Variants in USP6NL observed in about 807,000 individuals in gnomAD.
USP6NL encodes the protein USP6 N-terminal like.
USP6NL carries 26 observed loss-of-function variants against 61.9 expected under a neutral mutation model. That is an observed-to-expected ratio of 0.42 (90% CI 0.31 to 0.58). The LOEUF is 0.58. Ranked by LOEUF, USP6NL falls within the 20% of genes least tolerant of loss-of-function variation. The probability of loss-of-function intolerance (pLI) is 0.16; values close to 1 mark genes in which losing one functional copy is unlikely to be tolerated. For missense variants in USP6NL, 1,114 were observed against 1,034.3 expected, an observed-to-expected ratio of 1.08 and a Z score of -1.06; for synonymous variants, 432 against 390.1, an observed-to-expected ratio of 1.11 and a Z score of -1.27.
intron 2 of USP6NL, among the ~76,000 whole-genome samples, chr10:11,571,823 G>T (rs945932982): frequency 6.7e-6 from 1 of 148,666 alleles, no homozygotes; most frequent in African/African-American, 2.5e-5. Flanking sequence ...GTTTGAAAAA[G>T]CAAGCTTCTA....
rs1009369648 is a variant in USP6NL, at chr10:11,525,564, G to T, written c.73-96C>A. ...CGAAGAAATAAGAGCTATTTTTAAT[G>T]TATTACTAAAAATAAGAGCTGGAAG... On this transcript the variant is annotated intron_variant, in intron 3 of 14. Transcript: ENST00000609104. This position sits in a 1 kb window ranked among gnomAD's most constrained non-coding sequence, Gnocchi z 5.0. The T allele has an allele frequency of 3.0e-5, 32 of 1,074,426 alleles. No homozygotes were observed. The Admixed American group carries it at 6.7e-4, about 22-fold the overall frequency. The allele number at this position is 1,074,426 out of a possible 1,614,324, so 66.6% of individuals were successfully genotyped here.
chr10:11,496,468 C>T lies in USP6NL; in HGVS notation c.385-3240G>A, dbSNP rs1833928280. On this transcript the variant is annotated intron_variant, in intron 7 of 14. Coordinates refer to ENST00000609104, the MANE Select transcript of USP6NL (RefSeq NM_014688.5). This position sits in a 1 kb window ranked among gnomAD's most constrained non-coding sequence, Gnocchi z 5.4. ...CAAAACTGGTAGCTGTTAAGCATCTCCCATTTTCTTATTTCTGTGGGTTTG... is the reference window on the plus strand; with the variant it reads ...CAAAACTGGTAGCTGTTAAGCATCTTCCATTTTCTTATTTCTGTGGGTTTG... 6.6e-6 allele frequency among the ~76,000 whole-genome samples: 1 copy of T among 152,156 alleles called. No homozygotes were observed. The highest frequency in any genetic ancestry group is 1.5e-5 in the Non-Finnish European group (1 of 68,034).
Position 11,501,119 on chromosome 10 carries a change from T to A in USP6NL, c.366A>T (p.Glu122Asp), listed in dbSNP as rs1187993554. Residue 122 changes from glutamate to aspartate, a missense_variant, in exon 7 of 15, where the codon GAA becomes GAT. Coordinates refer to ENST00000609104, the MANE Select transcript of USP6NL (RefSeq NM_014688.5). ...TACTCACACTATACAGGTCCCTTGTTTCTTCTTTCATTTTAGGGATCTCAA... is the reference window on the plus strand; with the variant it reads ...TACTCACACTATACAGGTCCCTTGTATCTTCTTTCATTTTAGGGATCTCAA... ...LLLEIPKMKEETRDLYSKLKH... is the reference protein window; with the variant it reads ...LLLEIPKMKEDTRDLYSKLKH... The A allele has an allele frequency of 1.2e-6, 2 of 1,611,892 alleles. No individual in the cohort carries two copies. The highest frequency in any genetic ancestry group is 1.3e-5 in the African/African-American group (1 of 74,838).
rs1837476641 is a variant in USP6NL at position 11,574,603 on chromosome 10, A to G, written c.4+23028T>C. On this transcript the variant is annotated intron_variant, in intron 2 of 14. Coordinates refer to ENST00000609104, the MANE Select transcript of USP6NL (RefSeq NM_014688.5). This position sits in a 1 kb window ranked among gnomAD's most constrained non-coding sequence, Gnocchi z 4.3. Reference sequence around the variant, plus strand: ...AGAGAAAAATGACACTCAGGTGAACATGGCTAAATGCTATGTTTATTAAAC... The same window carrying G: ...AGAGAAAAATGACACTCAGGTGAACGTGGCTAAATGCTATGTTTATTAAAC... 6.6e-6 allele frequency among the ~76,000 whole-genome samples: 1 copy of G among 152,244 alleles called. No homozygotes were observed. The highest frequency in any genetic ancestry group is 6.5e-5 in the Admixed American group (1 of 15,286).
At chr10:11,541,274 T>TATAA (rs1803265501) in intron 2 of USP6NL, among the ~76,000 whole-genome samples, 1 of 122,700 alleles carries the variant, frequency 8.1e-6, no homozygotes, top group Non-Finnish European at 1.7e-5. Context: ...TATATATATA[T>TATAA]ATGTATGTCA....
At chr10:11,484,527 A>G (rs1226225735) in intron 13 of USP6NL, among the ~76,000 whole-genome samples, 3 of 151,982 alleles carry the variant, frequency 2.0e-5, no homozygotes, top group African/African-American at 7.3e-5. Flanking sequence ...GCTGGGTGCT[A>G]TTCTCCCTGG....
chr10:11,569,207 G>C (rs1187487646), intron 2 of USP6NL, among the ~76,000 whole-genome samples: 1 of 152,090 alleles, frequency 6.6e-6, no homozygotes, highest in Non-Finnish European at 1.5e-5. Flanking sequence ...AGCTGAAAAC[G>C]ATTATCCACC....
At position 11,474,106 on chromosome 10, in the gene USP6NL, CTT is replaced by C. The variant is rs930321732; in HGVS notation, c.1078+7662_1078+7663del. Reference sequence around the variant, plus strand: ...CCCCAAGTTTACCTGGGAAAAAAGTCTTAATTCCTGAAGATCCAGAACTAAAT... The same window carrying C: ...CCCCAAGTTTACCTGGGAAAAAAGTCAATTCCTGAAGATCCAGAACTAAAT... On this transcript the variant is annotated intron_variant, in intron 14 of 14. Transcript: ENST00000609104. The surrounding 1 kb of genome is among the most constrained non-coding windows in gnomAD (Gnocchi z 4.9). Among the ~76,000 whole-genome samples, 21 of 152,152 alleles carry C rather than the reference CTT, an allele frequency of 1.4e-4. No individual in the cohort carries two copies. Among genetic ancestry groups the C allele is most frequent in the African/African-American group, 5.1e-4 (21 of 41,440 alleles).
rs567100384 is a variant in USP6NL, at chr10:11,462,532, G to A, written c.2396C>T (p.Pro799Leu). ...KASPAAEDAS[P>L]SGYPYSGPPP... is the part of the protein sequence containing the mutation. ...GGGCCCTGAATATGGATATCCAGAT[G>A]GACTGGCATCTTCTGCGGCCGGTGA... Residue 799 changes from proline (P) to leucine (L), a missense_variant, in exon 15 of 15, where the codon CCA (proline) becomes CTA (leucine). By Grantham distance (98) the Pro-to-Leu change is moderately conservative (BLOSUM62 -3). Transcript: ENST00000609104. 1 of 1,613,984 alleles carries A rather than the reference G, an allele frequency of 6.2e-7. No individual in the cohort carries two copies. The highest frequency in any genetic ancestry group is 8.5e-7 in the Non-Finnish European group (1 of 1,179,898).
chr10:11,610,564 T>C (rs966997639), intron 1 of USP6NL, among the ~76,000 whole-genome samples: 1 of 152,110 alleles, frequency 6.6e-6, no homozygotes, highest in Non-Finnish European at 1.5e-5. Flanking sequence ...AAAGGATTAA[T>C]ACAGGATTGA....
intron 2 of USP6NL, among the ~76,000 whole-genome samples, chr10:11,557,746 A>G (rs1836769678): frequency 6.6e-6 from 1 of 152,186 alleles, no homozygotes. Flanking sequence ...GGTGCCACAC[A>G]GGGCAGTGCA....
rs1391725728 is a variant in USP6NL at position 11,462,421 on chromosome 10, T to C, written c.*20A>G. On this transcript the variant is annotated 3_prime_UTR_variant, in exon 15 of 15. Coordinates refer to ENST00000609104, the MANE Select transcript of USP6NL (RefSeq NM_014688.5). The stretch of plus-strand genomic sequence containing the variant: ...TTTCACGTGGTTTCTCTCTCGTCTT[T>C]AGCAAGTACACGTCAAATCTCACAG... 4 of 1,603,468 alleles carry C rather than the reference T, an allele frequency of 2.5e-6. No homozygotes were observed. The South Asian group carries it at 3.3e-5, about 13-fold the overall frequency.
intron 2 of USP6NL, among the ~76,000 whole-genome samples, chr10:11,580,131 A>G (rs1837700161): frequency 6.9e-6 from 1 of 144,212 alleles, no homozygotes; most frequent in African/African-American, 2.6e-5. Context: ...ATGAGTTGAC[A>G]AACCCTGCCC....
chr10:11,465,344 G>C lies in USP6NL; in HGVS notation c.1079-1495C>G, dbSNP rs1832403930. On this transcript the variant is annotated intron_variant, in intron 14 of 14. Transcript: ENST00000609104. This position sits in a 1 kb window ranked among gnomAD's most constrained non-coding sequence, Gnocchi z 4.5. ...TGAAAAACATAACCATTAAAGAAAA[G>C]GAAAACTGTGACGCCCAGAGTGGTG... 6.6e-6 allele frequency among the ~76,000 whole-genome samples: 1 copy of C among 152,102 alleles called. No homozygotes were observed. The highest frequency in any genetic ancestry group is 2.4e-5 in the African/African-American group (1 of 41,416).
intron 6 of USP6NL, among the ~76,000 whole-genome samples, chr10:11,502,968 T>C (rs1271115576): frequency 6.6e-6 from 1 of 152,228 alleles, no homozygotes; most frequent in African/African-American, 2.4e-5. Flanking sequence ...ATTTGCCACA[T>C]GCTCGACAAG....
intron 2 of USP6NL, among the ~76,000 whole-genome samples, chr10:11,535,367 T>C (rs1415928085): frequency 6.6e-6 from 1 of 152,158 alleles, no homozygotes; most frequent in African/African-American, 2.4e-5. Context: ...TCTGTGGGAA[T>C]GAACTAAGAG....
At position 11,513,926 on chromosome 10, in the gene USP6NL, G is replaced by C. The variant is rs1285747687; in HGVS notation, c.196-4251C>G. Among the ~76,000 whole-genome samples, 1 of 152,106 alleles carries C rather than the reference G, an allele frequency of 6.6e-6. No homozygotes were observed. The highest frequency in any genetic ancestry group is 2.4e-5 in the African/African-American group (1 of 41,416). On this transcript the variant is annotated intron_variant, in intron 5 of 14. Transcript: ENST00000609104. The surrounding 1 kb of genome is among the most constrained non-coding windows in gnomAD (Gnocchi z 4.7). ...GACACTGATGTTTTGAAAAGTCAAG[G>C]CCACACTATCTGGCTTTGTGTGATT...
chr10:11,596,305 CATGATTGG>C lies in USP6NL; in HGVS notation c.4+1318_4+1325del, dbSNP rs1473373189. Among the ~76,000 whole-genome samples, 1 of 152,144 alleles carries C rather than the reference CATGATTGG, an allele frequency of 6.6e-6. No homozygotes were observed. On this transcript the variant is annotated intron_variant, in intron 2 of 14. Coordinates refer to ENST00000609104, the MANE Select transcript of USP6NL (RefSeq NM_014688.5). This position sits in a 1 kb window ranked among gnomAD's most constrained non-coding sequence, Gnocchi z 4.1. Reference sequence around the variant, plus strand: ...TTAGATAAACTTTCTCACAAAATGTCATGATTGGAGCTGAAATAACAAAAGCTCTTTCT... The same window carrying C: ...TTAGATAAACTTTCTCACAAAATGTCAGCTGAAATAACAAAAGCTCTTTCT...
At chr10:11,542,234 AAGAC>A (rs1267401071) in intron 2 of USP6NL, among the ~76,000 whole-genome samples, 3 of 152,242 alleles carry the variant, frequency 2.0e-5, no homozygotes, top group Non-Finnish European at 4.4e-5. Flanking sequence ...ACGTAATACA[AAGAC>A]AGATAAAACA....
Sources: allele counts gnomAD v4.1 joint callset (sites outside exome capture counted in the v4.1 genomes callset), GRCh38; gene constraint gnomAD v4.1.1; non-coding constraint Gnocchi (gnomAD v3.1); transcripts MANE v1.5; gene names NCBI Gene and HGNC (gene_info 2026-07-23, HGNC 2026-07-21).